The following NCKAP5 variants were observed in gnomAD, a reference collection of about 807,000 sequenced individuals.
The protein encoded by NCKAP5 is NCK associated protein 5.
NCKAP5 carries 92 observed loss-of-function variants against 167.0 expected under a neutral mutation model. The ratio of observed to expected loss-of-function variants is 0.55; its 90% confidence interval spans 0.47 to 0.66. The LOEUF (loss-of-function observed/expected upper bound fraction) is 0.66. NCKAP5 is among the 30% of genes least tolerant of loss of function. The pLI is 0.00. For synonymous variants in NCKAP5, 891 were observed against 877.4 expected (o/e 1.02, Z -0.27); for missense variants, 2,378 against 2,315.0 (o/e 1.03, Z -0.56).
chr2:133,272,243 T>A (rs2089547206), intron 4 of NCKAP5, among the ~76,000 whole-genome samples: 1 of 149,388 alleles, frequency 6.7e-6, no homozygotes. Flanking sequence ...CAAAAAAAAA[T>A]AGAATAAAAG....
At chr2:133,020,161 C>T (rs1381500826) in intron 6 of NCKAP5, among the ~76,000 whole-genome samples, 1 of 152,204 alleles carries the variant, frequency 6.6e-6, no homozygotes, top group Admixed American at 6.5e-5. Context: ...TTGGAGCCAC[C>T]AAAGACGACA....
intron 3 of NCKAP5, among the ~76,000 whole-genome samples, chr2:133,379,918 A>G (rs563164686): frequency 6.6e-6 from 1 of 152,306 alleles, no homozygotes; most frequent in South Asian, 2.1e-4. Context: ...CAACCGAAAT[A>G]CCAGCAAGTG....
chr2:133,116,863 G>C (rs2082101525), intron 6 of NCKAP5: 1 of 151,778 alleles, frequency 6.6e-6, no homozygotes, highest in African/African-American at 2.4e-5. Flanking sequence ...TTCCTCACTG[G>C]TCTATAATCA....
At chr2:133,619,928 C>A in the NCKAP5 span, among the ~76,000 whole-genome samples, 2 of 152,084 alleles carry the variant, frequency 1.3e-5, no homozygotes, top group African/African-American at 4.8e-5. Context: ...CTACAAGCTA[C>A]AAGGGATTGG....
At chr2:133,125,626 T>A (rs2082379169) in intron 6 of NCKAP5, among the ~76,000 whole-genome samples, 1 of 152,198 alleles carries the variant, frequency 6.6e-6, no homozygotes, top group Non-Finnish European at 1.5e-5. Context: ...TAAGATAAAG[T>A]GGCAGCCCTA....
chr2:133,368,248 G>A (rs1685576496), intron 3 of NCKAP5, among the ~76,000 whole-genome samples: 1 of 152,090 alleles, frequency 6.6e-6, no homozygotes, highest in Admixed American at 6.6e-5. Flanking sequence ...TGGGTAAGTG[G>A]GAAATGTTGC....
chr2:133,338,846 A>C (rs114461218), intron 3 of NCKAP5, among the ~76,000 whole-genome samples: 4,695 of 152,010 alleles, frequency 0.031, 242 homozygotes, highest in African/African-American at 0.11. Flanking sequence ...TATCTCTCCA[A>C]AAAAAACAAA....
intron 5 of NCKAP5, among the ~76,000 whole-genome samples, chr2:133,170,888 C>T (rs923109284): frequency 6.6e-5 from 10 of 152,132 alleles, no homozygotes; most frequent in African/African-American, 2.4e-4. Context: ...AGCAATAACT[C>T]GTCTCCAGTC....
chr2:133,565,066 A>G (rs1486397138), intron 1 of NCKAP5, among the ~76,000 whole-genome samples: 1 of 152,238 alleles, frequency 6.6e-6, no homozygotes, highest in Admixed American at 6.5e-5. Context: ...AGCTGCTCAC[A>G]GGACAGGAGG....
chr2:133,044,364 C>T (rs1297839116), intron 6 of NCKAP5, among the ~76,000 whole-genome samples: 1 of 151,984 alleles, frequency 6.6e-6, no homozygotes. Context: ...GGACTGGTAT[C>T]CCATACATCA....
At chr2:133,339,076 G>A (rs185035334) in intron 3 of NCKAP5, among the ~76,000 whole-genome samples, 2 of 152,188 alleles carry the variant, frequency 1.3e-5, no homozygotes, top group East Asian at 3.9e-4. Flanking sequence ...CTATGATCCT[G>A]CCTTATAATC....
At chr2:133,493,911 C>T (rs937382220) in intron 3 of NCKAP5, among the ~76,000 whole-genome samples, 19 of 152,200 alleles carry the variant, frequency 1.2e-4, no homozygotes, top group African/African-American at 4.3e-4. Flanking sequence ...GGCTCTCCAT[C>T]ACCCAAGGGC....
At chr2:132,833,749 T>G (rs538551862) in intron 11 of NCKAP5, among the ~76,000 whole-genome samples, 9 of 152,348 alleles carry the variant, frequency 5.9e-5, no homozygotes, top group Admixed American at 5.9e-4. Context: ...CCATGCCATT[T>G]TGATTACTAT....
At chr2:132,899,689 A>G (rs1234126369) in intron 8 of NCKAP5, among the ~76,000 whole-genome samples, 1 of 152,206 alleles carries the variant, frequency 6.6e-6, no homozygotes, top group East Asian at 1.9e-4. Context: ...AGCCTGACCA[A>G]CATGGTAAAA....
At chr2:133,070,054 A>G (rs898608865) in intron 6 of NCKAP5, among the ~76,000 whole-genome samples, 13 of 152,160 alleles carry the variant, frequency 8.5e-5, no homozygotes, top group Non-Finnish European at 1.8e-4. Flanking sequence ...TATGGTGGTA[A>G]TCAAAACTAA....
chr2:132,697,385 C>A (rs906972710), intron 19 of NCKAP5, among the ~76,000 whole-genome samples: 1 of 152,184 alleles, frequency 6.6e-6, no homozygotes, highest in African/African-American at 2.4e-5. Context: ...CACAAACCAT[C>A]CAAATCATCT....
intron 8 of NCKAP5, among the ~76,000 whole-genome samples, chr2:132,923,518 A>G (rs1695603500): frequency 6.6e-6 from 1 of 152,206 alleles, no homozygotes; most frequent in African/African-American, 2.4e-5. Flanking sequence ...AAAGTGAACA[A>G]CATTTCTTAA....
At chr2:132,817,257 C>A (rs114576880) in intron 11 of NCKAP5, among the ~76,000 whole-genome samples, 2 of 152,278 alleles carry the variant, frequency 1.3e-5, no homozygotes, top group African/African-American at 4.8e-5. Flanking sequence ...AATACCATCT[C>A]ATTATTGACA....
intron 5 of NCKAP5, among the ~76,000 whole-genome samples, chr2:133,195,746 T>C (rs2085407576): frequency 6.6e-6 from 1 of 152,114 alleles, no homozygotes; most frequent in Admixed American, 6.6e-5. Context: ...ATTCAACCCA[T>C]AAGAGAAGCC....
Sources: allele counts gnomAD v4.1 joint callset (sites outside exome capture counted in the v4.1 genomes callset), GRCh38; gene constraint gnomAD v4.1.1; transcripts MANE v1.5; gene names NCBI Gene and HGNC (gene_info 2026-07-23, HGNC 2026-07-21).